PPP6R2: variants seen among roughly 807,000 people sequenced by gnomAD.
PPP6R2 encodes the protein serine/threonine-protein phosphatase 6 regulatory subunit 2.
Under a neutral mutation model 100.2 loss-of-function variants are expected in PPP6R2, and 62 were observed. The ratio of observed to expected loss-of-function variants is 0.62; its 90% CI spans 0.50 to 0.76. The LOEUF (loss-of-function observed/expected upper bound fraction) is 0.76, where lower values mean the gene tolerates loss of function less well. PPP6R2 is among the 30% of genes least tolerant of loss of function. The probability of loss-of-function intolerance (pLI) is 0.00; values close to 1 mark genes in which losing one functional copy is unlikely to be tolerated. For synonymous variants in PPP6R2, 525 were observed against 514.7 expected (o/e 1.02, Z -0.27); for missense variants, 1,142 against 1,276.3 (o/e 0.89, Z 1.60).
At chr22:50,438,026 AC>A in intron 17 of PPP6R2, 126 bp downstream of exon 17, 1 of 1,494,222 alleles carries the variant, frequency 6.7e-7, no homozygotes, top group Admixed American at 1.9e-5. Context: ...GGAGCTCGGA[AC>A]AGTCGCTTTC....
chr22:50,341,287 C>T (rs1006476506), upstream of PPP6R2, among the ~76,000 whole-genome samples: 1 of 152,016 alleles, frequency 6.6e-6, no homozygotes, highest in African/African-American at 2.4e-5. Context: ...CTCATTGAAG[C>T]CTCAACTACC....
Position 50,432,458 on chromosome 22 carries a change from G to C in PPP6R2, c.1400+129G>C. Reference sequence around the variant, plus strand: ...GGGTGGAGTGTAGGGTGTGCGACGTGGCTCCACGTTCTGGGGCTGCTGTGC... The same window carrying C: ...GGGTGGAGTGTAGGGTGTGCGACGTCGCTCCACGTTCTGGGGCTGCTGTGC... On this transcript the variant is annotated intron_variant, in intron 12 of 23. Coordinates refer to ENST00000612753, the MANE Select transcript of PPP6R2 (RefSeq NM_001242898.2). 4.6e-6 allele frequency: 4 copies of C among 870,184 alleles called. No homozygotes were observed. The South Asian group carries it at 6.3e-5, about 14-fold the overall frequency. The allele number at this position is 870,184 out of a possible 1,614,324, so 53.9% of individuals were successfully genotyped here.
chr22:50,338,717 GTGTGTGTGGTGTGTAGTGTGTGTGTTA>G (rs2042332466), upstream of PPP6R2, among the ~76,000 whole-genome samples: 1 of 143,326 alleles, frequency 7.0e-6, no homozygotes, highest in Non-Finnish European at 1.5e-5. Context: ...GGTGTGTGGT[GTGTGTGTGGTGTGTAGTGTGTGTGTTA>G]TGTGGTATGT....
chr22:50,341,849 C>T (rs188819390), upstream of PPP6R2, among the ~76,000 whole-genome samples: 44 of 152,244 alleles, frequency 2.9e-4, no homozygotes, highest in East Asian at 8.1e-3. Flanking sequence ...AAAAATTAGC[C>T]GGGCGCGGTG....
chr22:50,341,723 G>A (rs957850896), upstream of PPP6R2, among the ~76,000 whole-genome samples: 6 of 152,078 alleles, frequency 3.9e-5, no homozygotes, highest in Admixed American at 6.5e-5. Context: ...GGCCGGGCGC[G>A]GCGGCTCAGG....
chr22:50,376,223 G>A (rs901121311), intron 2 of PPP6R2, among the ~76,000 whole-genome samples: 1 of 152,064 alleles, frequency 6.6e-6, no homozygotes, highest in African/African-American at 2.4e-5. Flanking sequence ...GGGAGGCTGA[G>A]GCAGGAGGAT....
chr22:50,354,805 T>G (rs964793627), intron 1 of PPP6R2, among the ~76,000 whole-genome samples: 2 of 151,686 alleles, frequency 1.3e-5, no homozygotes, highest in African/African-American at 4.8e-5. Flanking sequence ...CTCGTACACG[T>G]ACATACAAAT....
chr22:50,332,551 C>T, the PPP6R2 span, among the ~76,000 whole-genome samples: 1 of 149,958 alleles, frequency 6.7e-6, no homozygotes, highest in African/African-American at 2.5e-5. Context: ...ATTTTTAGCT[C>T]TTATATTTAG....
chr22:50,336,407 G>C, the PPP6R2 span, among the ~76,000 whole-genome samples: 1 of 151,626 alleles, frequency 6.6e-6, no homozygotes, highest in Admixed American at 6.6e-5. Flanking sequence ...ATGGAGTTTC[G>C]CTCTTGTTGC....
At chr22:50,351,026 G>GGTTTTTTTTTTTTTTTTTTTTTTTTTTT (rs1386357403) in intron 1 of PPP6R2, among the ~76,000 whole-genome samples, 2 of 80,748 alleles carry the variant, frequency 2.5e-5, no homozygotes. Context: ...TCTCAACAGT[G>GGTTTTTTTTTTTTTTTTTTTTTTTTTTT]TTTTTTTTTT....
chr22:50,383,676 A>G (rs1394812559), intron 2 of PPP6R2, among the ~76,000 whole-genome samples: 1 of 152,130 alleles, frequency 6.6e-6, no homozygotes, highest in East Asian at 1.9e-4. Flanking sequence ...ACAAGCAGCC[A>G]TATGGGGCTG....
chr22:50,337,424 GGT>G, the PPP6R2 span, among the ~76,000 whole-genome samples: 11 of 139,446 alleles, frequency 7.9e-5, no homozygotes, highest in South Asian at 7.3e-4. Context: ...GTGTGTGTGG[GGT>G]GTGTGTGTGC....
chr22:50,388,639 C>T (rs760987872), intron 2 of PPP6R2, among the ~76,000 whole-genome samples: 4 of 151,752 alleles, frequency 2.6e-5, no homozygotes, highest in Non-Finnish European at 5.9e-5. Context: ...TTTGGGAGGC[C>T]GAGGCGGGCA....
intron 4 of PPP6R2, among the ~76,000 whole-genome samples, chr22:50,413,717 TCCTACTGTC>T (rs2060089271): frequency 7.5e-6 from 1 of 133,130 alleles, no homozygotes; most frequent in Non-Finnish European, 1.6e-5. Context: ...CCACTCCTTT[TCCTACTGTC>T]CCTCCTCATT....
At chr22:50,382,462 G>A (rs2053311525) in intron 2 of PPP6R2, among the ~76,000 whole-genome samples, 2 of 151,568 alleles carry the variant, frequency 1.3e-5, no homozygotes, top group African/African-American at 4.9e-5. Flanking sequence ...GCCAGGCATG[G>A]TGGCTCACGC....
intron 3 of PPP6R2, among the ~76,000 whole-genome samples, chr22:50,396,274 A>G (rs1482032857): frequency 1.3e-5 from 2 of 149,234 alleles, no homozygotes; most frequent in Admixed American, 1.3e-4. Context: ...AGGCGGGCAG[A>G]TCACGAGGTC....
At chr22:50,421,705 G>T (rs1356389464) in intron 8 of PPP6R2, among the ~76,000 whole-genome samples, 3 of 152,068 alleles carry the variant, frequency 2.0e-5, no homozygotes, top group Admixed American at 2.0e-4. Context: ...GAGGTCAGGT[G>T]ATCGAGACCA....
At chr22:50,335,852 A>C in the PPP6R2 span, among the ~76,000 whole-genome samples, 3 of 139,666 alleles carry the variant, frequency 2.1e-5, no homozygotes, top group Non-Finnish European at 4.6e-5. Flanking sequence ...ATTTTTTTGT[A>C]TTTTTAGTAG....
intron 2 of PPP6R2, among the ~76,000 whole-genome samples, chr22:50,387,721 G>A (rs1040901221): frequency 2.6e-5 from 4 of 152,218 alleles, no homozygotes; most frequent in Non-Finnish European, 5.9e-5. Context: ...TGTCCTGAAG[G>A]TGGAAGAGGG....
Sources: gnomAD v4.1 joint callset for allele counts (sites outside exome capture counted in the v4.1 genomes callset) on GRCh38, gnomAD v4.1.1 for gene constraint, MANE v1.5 for transcripts, NCBI Gene and HGNC (gene_info 2026-07-23, HGNC 2026-07-21) for gene names.